Variants in HHAT observed in about 807,000 individuals in gnomAD.
HHAT encodes the protein protein-cysteine N-palmitoyltransferase HHAT.
Under a neutral mutation model 70.8 loss-of-function variants are expected in HHAT, and 47 were observed. That is an observed-to-expected ratio of 0.66 (90% CI 0.53 to 0.85). The LOEUF (loss-of-function observed/expected upper bound fraction) is 0.85. Among genes scored for constraint, HHAT ranks in the 40% least tolerant of loss-of-function variants. The probability of loss-of-function intolerance (pLI) is 0.00; values close to 1 mark genes in which losing one functional copy is unlikely to be tolerated. For synonymous variants in HHAT, 228 were observed against 247.6 expected (o/e 0.92, Z 0.74); for missense variants, 609 against 604.8 (o/e 1.01, Z -0.07).
intron 8 of HHAT, among the ~76,000 whole-genome samples, chr1:210,511,789 T>TC (rs2148579148): frequency 1.4e-5 from 1 of 72,166 alleles, no homozygotes; most frequent in South Asian, 4.6e-4. Flanking sequence ...TCTTTTTTTT[T>TC]TTTTTTTTTT....
intron 11 of HHAT, among the ~76,000 whole-genome samples, chr1:210,661,831 G>C (rs983178278): frequency 6.6e-6 from 1 of 152,116 alleles, no homozygotes; most frequent in African/African-American, 2.4e-5. Context: ...ACAAGGGCCT[G>C]TTGGCAGGTG....
chr1:210,423,584 C>G (rs951536997), intron 7 of HHAT, among the ~76,000 whole-genome samples: 4 of 152,060 alleles, frequency 2.6e-5, no homozygotes, highest in Non-Finnish European at 5.9e-5. Flanking sequence ...TTTATTTTTG[C>G]TTTTGTTGCC....
intron 7 of HHAT, among the ~76,000 whole-genome samples, chr1:210,445,593 G>C (rs2093619372): frequency 6.6e-6 from 1 of 152,108 alleles, no homozygotes; most frequent in Non-Finnish European, 1.5e-5. Flanking sequence ...AAATTCACCT[G>C]GGATGATTTC....
intron 4 of HHAT, among the ~76,000 whole-genome samples, chr1:210,388,783 GGA>G (rs1005438200): frequency 1.3e-5 from 2 of 151,898 alleles, no homozygotes; most frequent in African/African-American, 4.8e-5. Context: ...CAAAACTTCT[GGA>G]AATTTAACAT....
intron 11 of HHAT, among the ~76,000 whole-genome samples, chr1:210,668,574 C>T (rs1679421678): frequency 6.6e-6 from 1 of 152,158 alleles, no homozygotes; most frequent in Non-Finnish European, 1.5e-5. Flanking sequence ...GATTGTGAGG[C>T]CTCCCCAGCC....
chr1:210,427,859 C>T (rs1197470777), intron 7 of HHAT, among the ~76,000 whole-genome samples: 2 of 151,998 alleles, frequency 1.3e-5, no homozygotes, highest in African/African-American at 2.4e-5. Context: ...CTTTAATTTT[C>T]TGTCTAGATG....
chr1:210,594,449 C>G (rs1489869329), intron 10 of HHAT, among the ~76,000 whole-genome samples: 1 of 152,076 alleles, frequency 6.6e-6, no homozygotes, highest in African/African-American at 2.4e-5. Flanking sequence ...AAACTCTACA[C>G]TTTAACTTTG....
At chr1:210,531,622 G>A (rs2095315566) in intron 9 of HHAT, among the ~76,000 whole-genome samples, 1 of 152,202 alleles carries the variant, frequency 6.6e-6, no homozygotes, top group African/African-American at 2.4e-5. Flanking sequence ...ATTTGCTAAT[G>A]TATGTAAAAT....
intron 1 of HHAT, among the ~76,000 whole-genome samples, chr1:210,346,926 G>T (rs1211672810): frequency 2.6e-5 from 4 of 152,166 alleles, no homozygotes; most frequent in Non-Finnish European, 5.9e-5. Context: ...GACAAAAATT[G>T]TACATATTTA....
At chr1:210,374,105 G>C (rs554686740) in intron 3 of HHAT, 12 of 150,780 alleles carry the variant, frequency 8.0e-5, no homozygotes, top group Admixed American at 1.3e-4. Context: ...TAAGCCTAAA[G>C]TTGCACCATA....
At chr1:210,449,370 A>G (rs1233594207) in intron 7 of HHAT, among the ~76,000 whole-genome samples, 1 of 152,060 alleles carries the variant, frequency 6.6e-6, no homozygotes, top group Non-Finnish European at 1.5e-5. Flanking sequence ...TCCTCTATAA[A>G]GTCGTGCTTC....
At chr1:210,329,804 A>G (rs1471476807) in intron 1 of HHAT, among the ~76,000 whole-genome samples, 3 of 152,186 alleles carry the variant, frequency 2.0e-5, no homozygotes, top group Non-Finnish European at 4.4e-5. Flanking sequence ...CTGGAGTGCA[A>G]TGGCACAATC....
chr1:210,566,458 T>A (rs917748737), intron 9 of HHAT, among the ~76,000 whole-genome samples: 1 of 151,996 alleles, frequency 6.6e-6, no homozygotes, highest in Non-Finnish European at 1.5e-5. Flanking sequence ...TTGTTTTTGT[T>A]CCCAAAAGTT....
chr1:210,373,559 G>A (rs1309215480), intron 3 of HHAT, among the ~76,000 whole-genome samples: 1 of 152,094 alleles, frequency 6.6e-6, no homozygotes, highest in Non-Finnish European at 1.5e-5. Context: ...AATAGCTGCC[G>A]AAAAGTTCGA....
At chr1:210,656,660 A>G (rs1292235437) in intron 11 of HHAT, among the ~76,000 whole-genome samples, 1 of 152,100 alleles carries the variant, frequency 6.6e-6, no homozygotes, top group Non-Finnish European at 1.5e-5. Flanking sequence ...CGTGGGTTTG[A>G]TGGAGGAAGG....
At chr1:210,459,512 G>C (rs1346682841) in intron 7 of HHAT, among the ~76,000 whole-genome samples, 1 of 152,148 alleles carries the variant, frequency 6.6e-6, no homozygotes, top group East Asian at 1.9e-4. Flanking sequence ...GATAGGATAA[G>C]GACAGACAGA....
chr1:210,395,886 A>G (rs1237292738), intron 4 of HHAT, among the ~76,000 whole-genome samples: 4 of 152,150 alleles, frequency 2.6e-5, no homozygotes, highest in African/African-American at 9.7e-5. Flanking sequence ...CCATCCTTCC[A>G]TCCAATAGTT....
rs373098311 is a variant in HHAT, at chr1:210,475,324, C to G, written c.1007+10669C>G. Among the ~76,000 whole-genome samples the G allele has an allele frequency of 1.6e-4, 24 of 152,304 alleles. 1 individual carries two copies. The South Asian group carries it at 5.0e-3, about 32-fold the overall frequency. On this transcript the variant is annotated intron_variant, in intron 8 of 11. Transcript: ENST00000261458. ...CTTTAATGCAGGAACTTCTGGATCTCTTCTTGCACAGGGGTTGCTGAGGAA... is the reference window on the plus strand; with the variant it reads ...CTTTAATGCAGGAACTTCTGGATCTGTTCTTGCACAGGGGTTGCTGAGGAA...
rs552686380 is a variant in HHAT at position 210,482,484 on chromosome 1, A to G, written c.1007+17829A>G. ...AGGGTGCCAGTAATTAGATAGAAGA[A>G]TACTCCCTTCATTGTTTGTCTGGAT... On this transcript the variant is annotated intron_variant, in intron 8 of 11. Transcript: ENST00000261458. Among the ~76,000 whole-genome samples, 8 of 152,312 alleles carry G rather than the reference A, an allele frequency of 5.3e-5. No homozygotes were observed. The East Asian group carries it at 1.5e-3, about 29-fold the overall frequency.
Sources: allele counts gnomAD v4.1 joint callset (sites outside exome capture counted in the v4.1 genomes callset), GRCh38; gene constraint gnomAD v4.1.1; transcripts MANE v1.5; gene names NCBI Gene and HGNC (gene_info 2026-07-23, HGNC 2026-07-21).